TBC1D22A: variants seen among roughly 807,000 people sequenced by gnomAD.
The protein encoded by TBC1D22A is TBC1 domain family member 22A, also known as putative GTPase activator.
A neutral mutation model predicts 60.2 loss-of-function variants in TBC1D22A; 38 were observed. The observed-to-expected ratio is 0.63, with a 90% CI of 0.49 to 0.83. The LOEUF is 0.83. TBC1D22A is among the 40% of genes least tolerant of loss of function. TBC1D22A has a pLI of 0.00. For synonymous variants in TBC1D22A, 302 were observed against 281.7 expected (o/e 1.07, Z -0.72); for missense variants, 628 against 701.0 (o/e 0.90, Z 1.18).
intron 7 of TBC1D22A, among the ~76,000 whole-genome samples, chr22:46,910,768 G>T (rs1017901516): frequency 1.3e-5 from 2 of 152,108 alleles, no homozygotes; most frequent in Admixed American, 1.3e-4. Flanking sequence ...AAAGCCAGGG[G>T]AGTCGAGACC....
At chr22:47,104,316 A>G (rs76958967) in intron 11 of TBC1D22A, among the ~76,000 whole-genome samples, 99 of 152,018 alleles carry the variant, frequency 6.5e-4, no homozygotes, top group Non-Finnish European at 1.0e-3. Flanking sequence ...TCAAAAACAA[A>G]AAAGAATCTC....
At chr22:47,151,155 T>C (rs1316013460) in intron 12 of TBC1D22A, among the ~76,000 whole-genome samples, 4 of 152,182 alleles carry the variant, frequency 2.6e-5, no homozygotes, top group Non-Finnish European at 5.9e-5. Flanking sequence ...TGCAGATTCC[T>C]GCGAGCCTGG....
At chr22:47,153,790 G>C (rs372370625) in intron 12 of TBC1D22A, among the ~76,000 whole-genome samples, 1 of 152,186 alleles carries the variant, frequency 6.6e-6, no homozygotes, top group African/African-American at 2.4e-5. Flanking sequence ...GTCTGCATTT[G>C]TTTATTGGGT....
rs532135871 is a variant in TBC1D22A at position 46,903,745 on chromosome 22, G to A, written c.901-8329G>A. Among the ~76,000 whole-genome samples, 361 of 152,268 alleles carry A rather than the reference G, an allele frequency of 2.4e-3. 5 individuals are homozygous for A. Among genetic ancestry groups the A allele is most frequent in the Non-Finnish European group, 4.2e-3 (286 of 68,014 alleles). ...CTGCTGTGAGACAGCCCCAGTGGAC[G>A]GGGGTGGAAAGGAATCTCCTTGAAG... On this transcript the variant is annotated intron_variant, in intron 7 of 12. Transcript: ENST00000337137.
intron 11 of TBC1D22A, among the ~76,000 whole-genome samples, chr22:47,043,601 T>C (rs1217720322): frequency 6.6e-6 from 1 of 152,112 alleles, no homozygotes; most frequent in Admixed American, 6.5e-5. Context: ...ATGGGGTGTG[T>C]TCATCTTTCC....
Position 46,847,369 on chromosome 22 carries a change from A to G in TBC1D22A, c.638-31284A>G, listed in dbSNP as rs114014779. Among the ~76,000 whole-genome samples, 485 of 152,284 alleles carry G rather than the reference A, an allele frequency of 3.2e-3. 2 individuals are homozygous for G. The highest frequency in any genetic ancestry group is 0.011 in the African/African-American group (457 of 41,550). On this transcript the variant is annotated intron_variant, in intron 4 of 12. Transcript: ENST00000337137. ...TCACCTAGCCAGTGCTGGTTTACAT[A>G]TCTACCAGTATCTGCCCTAGACGTA...
intron 1 of TBC1D22A, among the ~76,000 whole-genome samples, chr22:46,785,634 A>G (rs10222311): frequency 0.011 from 1,600 of 152,314 alleles, 21 homozygotes; most frequent in African/African-American, 0.036. Context: ...CCAAGTAACC[A>G]CTAATCTACG....
intron 4 of TBC1D22A, among the ~76,000 whole-genome samples, chr22:46,853,025 A>G (rs569387920): frequency 1.3e-5 from 2 of 152,240 alleles, no homozygotes; most frequent in South Asian, 2.1e-4. Context: ...TGGGAGCACG[A>G]TTCCTTTGCA....
At chr22:47,036,053 G>A (rs565985767) in intron 10 of TBC1D22A, among the ~76,000 whole-genome samples, 1 of 152,196 alleles carries the variant, frequency 6.6e-6, no homozygotes, top group South Asian at 2.1e-4. Context: ...AGTGTTTCGG[G>A]GTCACTTCTC....
intron 12 of TBC1D22A, among the ~76,000 whole-genome samples, chr22:47,167,857 G>T (rs8142638): frequency 0.031 from 4,678 of 152,304 alleles, 247 homozygotes; most frequent in African/African-American, 0.1. Context: ...ACTCTATCCA[G>T]AACTGGCAGT....
chr22:46,969,867 A>C (rs993357877), intron 8 of TBC1D22A, among the ~76,000 whole-genome samples: 1 of 152,224 alleles, frequency 6.6e-6, no homozygotes, highest in Admixed American at 6.5e-5. Flanking sequence ...GCTGGTGTTA[A>C]TGTTTATAAT....
intron 11 of TBC1D22A, among the ~76,000 whole-genome samples, chr22:47,069,859 C>A (rs1183234166): frequency 6.8e-6 from 1 of 147,820 alleles, no homozygotes; most frequent in Non-Finnish European, 1.5e-5. Flanking sequence ...CTGACGGTTC[C>A]AGGCTGTTCC....
intron 8 of TBC1D22A, among the ~76,000 whole-genome samples, chr22:46,924,736 ACT>A (rs767057811): frequency 8.6e-5 from 10 of 115,958 alleles, no homozygotes; most frequent in Non-Finnish European, 1.2e-4. Flanking sequence ...CAAGAGTGAA[ACT>A]CTATCTCAAA....
chr22:47,037,582 G>A (rs1569368014), intron 11 of TBC1D22A, among the ~76,000 whole-genome samples: 1 of 152,208 alleles, frequency 6.6e-6, no homozygotes, highest in South Asian at 2.1e-4. Context: ...AGGGAGCCAA[G>A]CTTGCGCCAC....
In TBC1D22A at chr22:46,854,181, T is replaced by G. The variant is rs554215249; in HGVS notation, c.638-24472T>G. Among the ~76,000 whole-genome samples the G allele has an allele frequency of 2.0e-5, 3 of 152,340 alleles. No individual in the cohort carries two copies. In the East Asian group the frequency reaches 5.8e-4, roughly 29 times the overall value. ...TTCCGGAGGTGCCTACTGCACTGTC[T>G]TGGGATTTTGCCCTGTCAGAAATGT... On this transcript the variant is annotated intron_variant, in intron 4 of 12. Transcript: ENST00000337137.
intron 9 of TBC1D22A, among the ~76,000 whole-genome samples, chr22:46,988,768 T>G (rs961870951): frequency 1.3e-5 from 2 of 152,246 alleles, no homozygotes; most frequent in African/African-American, 4.8e-5. Flanking sequence ...ATTTTCAGAA[T>G]GGTAAATGAG....
Position 46,793,767 on chromosome 22 carries a change from A to G in TBC1D22A, c.386A>G (p.Glu129Gly). 6.2e-7 allele frequency: 1 copy of G among 1,604,452 alleles called. No individual in the cohort carries two copies. The highest frequency in any genetic ancestry group is 8.5e-7 in the Non-Finnish European group (1 of 1,176,362). Residue 129 changes from glutamate (E) to glycine (G), a missense_variant, in exon 3 of 13, where the codon GAG becomes GGG. Glu to Gly is a moderately conservative substitution (Grantham distance 98). Coordinates refer to ENST00000337137, the MANE Select transcript of TBC1D22A (RefSeq NM_014346.5). ...CAGCAGAAGCCCAGGCCCGAGGCAGAGCCGCCCTCACCCCCCAGCGGCGAC... is the reference window on the plus strand; with the variant it reads ...CAGCAGAAGCCCAGGCCCGAGGCAGGGCCGCCCTCACCCCCCAGCGGCGAC... ...GLQQKPRPEAEPPSPPSGDLR... is the reference protein window; with the variant it reads ...GLQQKPRPEAGPPSPPSGDLR...
rs115357262 is a variant in TBC1D22A at position 46,934,338 on chromosome 22, C to T, written c.1015+22150C>T. Reference sequence around the variant, plus strand: ...TTTGGAGTCCTGGAAACCTCGGTTACATTCTCAGCCTTCGTGCTCTGGGGT... The same window carrying T: ...TTTGGAGTCCTGGAAACCTCGGTTATATTCTCAGCCTTCGTGCTCTGGGGT... On this transcript the variant is annotated intron_variant, in intron 8 of 12. Transcript: ENST00000337137. Among the ~76,000 whole-genome samples, 1,046 of 152,336 alleles carry T rather than the reference C, an allele frequency of 6.9e-3. 9 individuals carry two copies. Among genetic ancestry groups the T allele is most frequent in the African/African-American group, 0.024 (995 of 41,574 alleles).
chr22:47,159,979 ACT>A (rs1013227660), intron 12 of TBC1D22A, among the ~76,000 whole-genome samples: 13 of 151,080 alleles, frequency 8.6e-5, no homozygotes, highest in East Asian at 3.9e-4. Context: ...CATACAGGTG[ACT>A]CACACACACC....
Sources: gnomAD v4.1 joint callset for allele counts (sites outside exome capture counted in the v4.1 genomes callset) on GRCh38, gnomAD v4.1.1 for gene constraint, MANE v1.5 for transcripts, NCBI Gene and HGNC (gene_info 2026-07-23, HGNC 2026-07-21) for gene names.